CCDC7: variants seen among roughly 807,000 people sequenced by gnomAD.
CCDC7 encodes the protein coiled-coil domain-containing protein 7.
In CCDC7, 183 loss-of-function variants were observed where a neutral mutation model predicts 196.9. The ratio of observed to expected loss-of-function variants is 0.93; its 90% CI spans 0.82 to 1.05. CCDC7 has a LOEUF of 1.05. Ranked by LOEUF, CCDC7 falls within the 50% of genes least tolerant of loss-of-function variation. The probability of loss-of-function intolerance (pLI) is 0.00; values close to 1 mark genes in which losing one functional copy is unlikely to be tolerated. For synonymous variants in CCDC7, 525 were observed against 484.6 expected (o/e 1.08, Z -1.10); for missense variants, 1,540 against 1,482.2 (o/e 1.04, Z -0.64).
At chr10:32,828,476 AGAG>A (rs1238755422) in intron 32 of CCDC7, among the ~76,000 whole-genome samples, 45 of 85,802 alleles carry the variant, frequency 5.2e-4, no homozygotes, top group Admixed American at 1.0e-3. Context: ...AGGAAGAGGA[AGAG>A]GAAGAGGAAG....
intron 31 of CCDC7, among the ~76,000 whole-genome samples, chr10:32,817,624 C>T (rs556875715): frequency 4.1e-4 from 62 of 152,364 alleles, no homozygotes; most frequent in African/African-American, 1.4e-3. Flanking sequence ...GCCCATCAGA[C>T]TAACAGCTGA....
chr10:32,719,102 T>C (rs546368820), intron 25 of CCDC7, among the ~76,000 whole-genome samples: 36 of 152,282 alleles, frequency 2.4e-4, no homozygotes, highest in Middle Eastern at 3.4e-3. Context: ...GCTGGAGGCA[T>C]CACACTACCT....
At chr10:32,640,039 T>C (rs748348537) in intron 20 of CCDC7, among the ~76,000 whole-genome samples, 6 of 152,240 alleles carry the variant, frequency 3.9e-5, no homozygotes, top group African/African-American at 1.4e-4. Flanking sequence ...TGGAGAGTTC[T>C]GTAGATGTCT....
At chr10:32,579,593 CAAAT>C (rs2058553643) in intron 16 of CCDC7, among the ~76,000 whole-genome samples, 2 of 152,038 alleles carry the variant, frequency 1.3e-5, no homozygotes, top group South Asian at 4.1e-4. Context: ...CAGCACTCAT[CAAAT>C]AGTCATTACG....
chr10:32,681,962 G>T (rs867609185), intron 21 of CCDC7, among the ~76,000 whole-genome samples: 22 of 151,866 alleles, frequency 1.4e-4, no homozygotes, highest in African/African-American at 5.1e-4. Context: ...TTCTTCTACT[G>T]TGCGAATCCT....
rs184629694 is a variant in CCDC7 at position 32,609,247 on chromosome 10, C to T, written c.1801+24943C>T. Among the ~76,000 whole-genome samples the T allele has an allele frequency of 2.8e-4, 42 of 152,002 alleles. No individual in the cohort carries two copies. The East Asian group carries it at 7.0e-3, about 25-fold the overall frequency. The stretch of plus-strand genomic sequence containing the variant: ...TTATGGCATTAGAGTCGATCTTTAC[C>T]TTTAGATCTAGTAATATTTACTATA... On this transcript the variant is annotated intron_variant, in intron 18 of 41. Transcript: ENST00000639629.
At chr10:32,870,010 G>T (rs923778727) in intron 41 of CCDC7, among the ~76,000 whole-genome samples, 1 of 152,104 alleles carries the variant, frequency 6.6e-6, no homozygotes, top group Non-Finnish European at 1.5e-5. Flanking sequence ...TTGTAGTATA[G>T]TTGGAAGTCA....
intron 20 of CCDC7, among the ~76,000 whole-genome samples, chr10:32,650,787 G>C (rs2068615758): frequency 6.6e-6 from 1 of 152,176 alleles, no homozygotes. Flanking sequence ...TCAGGGATGG[G>C]TTCTGGGTGC....
chr10:32,712,265 A>T (rs1372551520), intron 25 of CCDC7, among the ~76,000 whole-genome samples: 1 of 152,148 alleles, frequency 6.6e-6, no homozygotes, highest in African/African-American at 2.4e-5. Flanking sequence ...CAGCAGATGA[A>T]TGGTCCCATT....
chr10:32,754,927 C>T lies in CCDC7; in HGVS notation c.2906-24050C>T, dbSNP rs930425624. Among the ~76,000 whole-genome samples the T allele has an allele frequency of 8.6e-5, 13 of 151,796 alleles. No homozygotes were observed. In the East Asian group the frequency reaches 1.4e-3, roughly 16 times the overall value. On this transcript the variant is annotated intron_variant, in intron 28 of 41. Transcript: ENST00000639629. ...TTGGGACACTCCCACCCTAATACTG[C>T]GCTTTTCCAATGGTCTTAGCAAACA...
chr10:32,568,623 AT>A (rs1444519708), intron 15 of CCDC7, among the ~76,000 whole-genome samples: 1 of 152,208 alleles, frequency 6.6e-6, no homozygotes, highest in African/African-American at 2.4e-5. Context: ...GAAATATAGG[AT>A]TGTCTGTCAG....
intron 9 of CCDC7, among the ~76,000 whole-genome samples, chr10:32,509,749 A>G (rs897079999): frequency 6.6e-6 from 1 of 152,192 alleles, no homozygotes; most frequent in African/African-American, 2.4e-5. Context: ...TATTTTTCCA[A>G]AGAAGACATA....
chr10:32,822,230 C>A (rs2135631786), intron 31 of CCDC7, among the ~76,000 whole-genome samples: 1 of 152,194 alleles, frequency 6.6e-6, no homozygotes, highest in East Asian at 1.9e-4. Context: ...AGAGTATGTA[C>A]AAATATATAT....
intron 22 of CCDC7, among the ~76,000 whole-genome samples, chr10:32,686,450 A>G (rs965193657): frequency 6.6e-6 from 1 of 152,246 alleles, no homozygotes; most frequent in Non-Finnish European, 1.5e-5. Flanking sequence ...CAGTGAACAG[A>G]AAGTTTGCCA....
At chr10:32,532,227 G>A (rs1367373707) in intron 11 of CCDC7, among the ~76,000 whole-genome samples, 2 of 151,932 alleles carry the variant, frequency 1.3e-5, no homozygotes, top group Non-Finnish European at 1.5e-5. Context: ...ACTTTGGTAT[G>A]TTGTATTCCC....
At chr10:32,556,020 T>G (rs1296835234) in intron 13 of CCDC7, among the ~76,000 whole-genome samples, 1 of 152,160 alleles carries the variant, frequency 6.6e-6, no homozygotes, top group Non-Finnish European at 1.5e-5. Flanking sequence ...AGGCCTCAGC[T>G]CACATCACTC....
At chr10:32,705,928 A>C (rs1364617730) in intron 24 of CCDC7, among the ~76,000 whole-genome samples, 1 of 152,118 alleles carries the variant, frequency 6.6e-6, no homozygotes. Flanking sequence ...AAAGTTAACA[A>C]GGATATCCAG....
At chr10:32,468,309 G>C (rs970919968) in intron 5 of CCDC7, among the ~76,000 whole-genome samples, 3 of 150,246 alleles carry the variant, frequency 2.0e-5, no homozygotes, top group African/African-American at 7.5e-5. Flanking sequence ...CACCTCCCTG[G>C]TTAGCTGTAT....
chr10:32,653,293 G>C lies in CCDC7; in HGVS notation c.2015-10761G>C, dbSNP rs147855471. The stretch of plus-strand genomic sequence containing the variant: ...TGCTCCCTATGTGAGCACTGGCCTA[G>C]AATCAAGGACCACAGAGTTCTAACC... On this transcript the variant is annotated intron_variant, in intron 20 of 41. Transcript: ENST00000639629. Among the ~76,000 whole-genome samples the C allele has an allele frequency of 1.8e-3, 267 of 152,200 alleles. 1 individual carries two copies. Among genetic ancestry groups the C allele is most frequent in the Non-Finnish European group, 3.2e-3 (217 of 68,020 alleles).
Sources: allele counts gnomAD v4.1 joint callset (sites outside exome capture counted in the v4.1 genomes callset), GRCh38; gene constraint gnomAD v4.1.1; transcripts MANE v1.5; gene names NCBI Gene and HGNC (gene_info 2026-07-23, HGNC 2026-07-21).